Variants in IGSF11 observed in about 807,000 individuals in gnomAD.
IGSF11 encodes CXADR like 1.
Under a neutral mutation model 41.0 loss-of-function variants are expected in IGSF11, and 22 were observed. The ratio of observed to expected loss-of-function variants is 0.54; its 90% confidence interval spans 0.38 to 0.77. The LOEUF (loss-of-function observed/expected upper bound fraction) is 0.77, where lower values mean the gene tolerates loss of function less well. IGSF11 is among the 30% of genes least tolerant of loss of function. The probability of loss-of-function intolerance (pLI) is 0.00; values close to 1 mark genes in which losing one functional copy is unlikely to be tolerated. For missense variants in IGSF11, 444 were observed against 530.8 expected, an observed-to-expected ratio of 0.84 and a Z score of 1.61; for synonymous variants, 219 against 201.3, an observed-to-expected ratio of 1.09 and a Z score of -0.74.
At position 119,055,437 on chromosome 3, in the gene IGSF11, G is replaced by C. The variant is rs529538254; in HGVS notation, c.49+49707C>G. On this transcript the variant is annotated intron_variant, in intron 1 of 6. Transcript: ENST00000354673. ...AGAGCTAACTATCCTAAATACATATGCACCCAATACAGGAGGACCCAGATT... is the reference window on the plus strand; with the variant it reads ...AGAGCTAACTATCCTAAATACATATCCACCCAATACAGGAGGACCCAGATT... 9.9e-5 allele frequency among the ~76,000 whole-genome samples: 15 copies of C among 152,260 alleles called. No individual in the cohort carries two copies. In the East Asian group the frequency reaches 2.7e-3, roughly 27 times the overall value.
chr3:119,024,541 C>CA (rs1274631837), intron 1 of IGSF11, among the ~76,000 whole-genome samples: 1 of 151,894 alleles, frequency 6.6e-6, no homozygotes, highest in East Asian at 1.9e-4. Context: ...CTTGAAAATG[C>CA]AAAAAAAGAA....
intron 1 of IGSF11, among the ~76,000 whole-genome samples, chr3:119,000,131 G>A (rs971020686): frequency 7.4e-6 from 1 of 135,028 alleles, no homozygotes; most frequent in East Asian, 2.1e-4. Flanking sequence ...AGAAATGCCT[G>A]GTTGTCCTCC....
At chr3:118,907,720 C>CA (rs1267523746) in intron 4 of IGSF11, among the ~76,000 whole-genome samples, 1 of 152,050 alleles carries the variant, frequency 6.6e-6, no homozygotes, top group African/African-American at 2.4e-5. Flanking sequence ...AAAGATAACT[C>CA]AAAAAAGCTA....
intron 1 of IGSF11, among the ~76,000 whole-genome samples, chr3:119,017,167 T>G (rs1938797800): frequency 6.6e-6 from 1 of 151,900 alleles, no homozygotes; most frequent in Non-Finnish European, 1.5e-5. Context: ...AATTGGAAGG[T>G]GAAATACAGT....
intron 1 of IGSF11, among the ~76,000 whole-genome samples, chr3:119,112,265 C>T (rs1453696177): frequency 6.6e-6 from 1 of 152,222 alleles, no homozygotes; most frequent in East Asian, 1.9e-4. Context: ...AGCTTCCCGC[C>T]TGCTTTGTTT....
At chr3:119,068,807 C>A (rs746000507) in intron 1 of IGSF11, among the ~76,000 whole-genome samples, 5 of 151,306 alleles carry the variant, frequency 3.3e-5, no homozygotes, top group Non-Finnish European at 7.4e-5. Context: ...GATAAAAGGA[C>A]AATGGTTTAT....
chr3:118,906,885 T>C (rs1939669028), intron 4 of IGSF11, among the ~76,000 whole-genome samples: 1 of 152,182 alleles, frequency 6.6e-6, no homozygotes, highest in Non-Finnish European at 1.5e-5. Context: ...TCAAGGAGAC[T>C]GAAGCTTTAG....
intron 1 of IGSF11, among the ~76,000 whole-genome samples, chr3:119,091,791 A>T (rs1412516845): frequency 6.6e-6 from 1 of 152,136 alleles, no homozygotes; most frequent in Non-Finnish European, 1.5e-5. Flanking sequence ...TCCAAACCTC[A>T]GCATCACACA....
At chr3:119,087,454 T>C (rs2076695310) in intron 1 of IGSF11, among the ~76,000 whole-genome samples, 1 of 149,500 alleles carries the variant, frequency 6.7e-6, no homozygotes, top group Non-Finnish European at 1.5e-5. Context: ...TAAAAAGGAA[T>C]GAAATAATGA....
Position 119,021,252 on chromosome 3 carries a change from T to C in IGSF11, c.52+13279A>G, listed in dbSNP as rs921539364. ...ATGATTATTTTAAAACAAATTACTATATAATAGAAAAATTAGTATCATGAG... is the reference window on the plus strand; with the variant it reads ...ATGATTATTTTAAAACAAATTACTACATAATAGAAAAATTAGTATCATGAG... On this transcript the variant is annotated intron_variant, in intron 1 of 6. Coordinates refer to ENST00000393775, the MANE Select transcript of IGSF11 (RefSeq NM_001015887.3). Among the ~76,000 whole-genome samples, 5 of 152,104 alleles carry C rather than the reference T, an allele frequency of 3.3e-5. No homozygotes were observed. In the East Asian group the frequency reaches 7.7e-4, roughly 23 times the overall value.
At chr3:119,001,641 T>G (rs1936881374) in intron 1 of IGSF11, among the ~76,000 whole-genome samples, 1 of 116,312 alleles carries the variant, frequency 8.6e-6, no homozygotes, top group Admixed American at 1.1e-4. Flanking sequence ...CCCACAACAG[T>G]CCCCAGAGTG....
rs749079638 is a variant in IGSF11, at chr3:118,989,444, G to A, written c.52+45087C>T. 1.5e-4 allele frequency among the ~76,000 whole-genome samples: 22 copies of A among 151,696 alleles called. No individual in the cohort carries two copies. The South Asian group carries it at 3.5e-3, about 24-fold the overall frequency. On this transcript the variant is annotated intron_variant, in intron 1 of 6. Coordinates refer to ENST00000393775, the MANE Select transcript of IGSF11 (RefSeq NM_001015887.3). Reference sequence around the variant, plus strand: ...CTCAGCTCACTGCAACCTCCGCCTCGCGGGTTCACGCCATTCTCCTGCCTC... The same window carrying A: ...CTCAGCTCACTGCAACCTCCGCCTCACGGGTTCACGCCATTCTCCTGCCTC...
intron 1 of IGSF11, among the ~76,000 whole-genome samples, chr3:118,940,075 T>C (rs1252186643): frequency 6.6e-6 from 1 of 152,158 alleles, no homozygotes; most frequent in East Asian, 1.9e-4. Context: ...TCAGTACCAA[T>C]AATTCAAACA....
At chr3:118,944,024 T>A (rs1317374556) in intron 1 of IGSF11, among the ~76,000 whole-genome samples, 2 of 152,234 alleles carry the variant, frequency 1.3e-5, no homozygotes, top group Admixed American at 1.3e-4. Context: ...TAAAAATGGC[T>A]CAACTGAAAT....
chr3:118,910,574 C>T (rs915988267), intron 4 of IGSF11, among the ~76,000 whole-genome samples: 1 of 152,170 alleles, frequency 6.6e-6, no homozygotes, highest in African/African-American at 2.4e-5. Context: ...GACACAGTTT[C>T]TAAAATGCGT....
In IGSF11 at chr3:119,073,751, G is replaced by A. The variant is rs560285192; in HGVS notation, c.49+31393C>T. 2.5e-3 allele frequency among the ~76,000 whole-genome samples: 376 copies of A among 152,222 alleles called. 1 individual carries two copies. Among genetic ancestry groups the A allele is most frequent in the African/African-American group, 7.3e-3 (305 of 41,542 alleles). On this transcript the variant is annotated intron_variant, in intron 1 of 6. Coordinates refer to the IGSF11 transcript ENST00000354673. ...GAACTCGCGCTGGCCTGTGAGCACT[G>A]CACACAGCCCCGGTTTCCACCCACG... is the stretch of plus-strand genomic sequence containing the variant.
At chr3:119,003,732 T>C (rs1170999746) in intron 1 of IGSF11, among the ~76,000 whole-genome samples, 1 of 152,006 alleles carries the variant, frequency 6.6e-6, no homozygotes, top group Non-Finnish European at 1.5e-5. Flanking sequence ...ATGTGGTTTT[T>C]GTCTTTGGCT....
intron 1 of IGSF11, among the ~76,000 whole-genome samples, chr3:119,015,333 C>T (rs1372269178): frequency 2.0e-5 from 3 of 152,156 alleles, no homozygotes; most frequent in African/African-American, 4.8e-5. Flanking sequence ...CAAGATCTAC[C>T]TTATTTAACG....
intron 1 of IGSF11, among the ~76,000 whole-genome samples, chr3:119,113,332 C>T (rs144365502): frequency 1.1e-3 from 161 of 152,244 alleles, no homozygotes; most frequent in African/African-American, 3.8e-3. Flanking sequence ...CAAGGCAAGT[C>T]CCTAACTCAA....
Sources: allele counts gnomAD v4.1 joint callset (sites outside exome capture counted in the v4.1 genomes callset), GRCh38; gene constraint gnomAD v4.1.1; transcripts MANE v1.5; gene names NCBI Gene and HGNC (gene_info 2026-07-23, HGNC 2026-07-21).